The following LRRC4C variants were observed in gnomAD, a reference collection of about 807,000 sequenced individuals.
The protein encoded by LRRC4C is leucine-rich repeat-containing protein 4C.
LRRC4C carries 5 observed loss-of-function variants against 33.6 expected under a neutral mutation model. The observed-to-expected ratio is 0.15, with a 90% CI of 0.08 to 0.31. The LOEUF is 0.31. Ranked by LOEUF, LRRC4C falls within the 10% of genes least tolerant of loss-of-function variation. The probability of loss-of-function intolerance (pLI) is 1.00; values close to 1 mark genes in which losing one functional copy is unlikely to be tolerated. For synonymous variants in LRRC4C, 329 were observed against 302.0 expected, an observed-to-expected ratio of 1.09 and a Z score of -0.93; for missense variants, 560 against 796.7, an observed-to-expected ratio of 0.70 and a Z score of 3.58.
chr11:40,163,764 C>A (rs1291850008), intron 5 of LRRC4C, among the ~76,000 whole-genome samples: 2 of 152,060 alleles, frequency 1.3e-5, no homozygotes, highest in African/African-American at 4.8e-5. Context: ...CTGAGCCACA[C>A]CCTTATATAA....
At chr11:40,862,775 C>T (rs576173321) in intron 2 of LRRC4C, among the ~76,000 whole-genome samples, 15 of 152,228 alleles carry the variant, frequency 9.9e-5, no homozygotes, top group African/African-American at 3.6e-4. Flanking sequence ...GTGTCAAGTG[C>T]TATATAAGGA....
intron 1 of LRRC4C, among the ~76,000 whole-genome samples, chr11:41,313,875 T>G (rs2137204490): frequency 6.6e-6 from 1 of 152,300 alleles, no homozygotes; most frequent in African/African-American, 2.4e-5. Flanking sequence ...TCTGACATTT[T>G]TTTTTGCAAT....
chr11:41,201,322 G>A (rs1169273787), intron 1 of LRRC4C, among the ~76,000 whole-genome samples: 1 of 152,146 alleles, frequency 6.6e-6, no homozygotes, highest in Non-Finnish European at 1.5e-5. Flanking sequence ...GAGACGTTTA[G>A]GGAGCTCGTG....
chr11:40,777,447 C>G (rs1307793698), intron 2 of LRRC4C, among the ~76,000 whole-genome samples: 4 of 148,720 alleles, frequency 2.7e-5, no homozygotes, highest in Non-Finnish European at 5.9e-5. Context: ...AGTCTTCTTC[C>G]TGAATTAAAA....
At chr11:41,134,989 A>C (rs1943192044) in intron 1 of LRRC4C, among the ~76,000 whole-genome samples, 1 of 152,172 alleles carries the variant, frequency 6.6e-6, no homozygotes. Context: ...CTATCTCATT[A>C]TGAAAGTCAA....
intron 1 of LRRC4C, among the ~76,000 whole-genome samples, chr11:41,302,946 C>T (rs562935058): frequency 1.1e-3 from 166 of 152,328 alleles, no homozygotes; most frequent in Non-Finnish European, 4.9e-4. Flanking sequence ...CTACCAATGA[C>T]TTTCCAAGTC....
At chr11:41,140,944 G>C (rs551769775) in intron 1 of LRRC4C, among the ~76,000 whole-genome samples, 1 of 152,230 alleles carries the variant, frequency 6.6e-6, no homozygotes, top group African/African-American at 2.4e-5. Context: ...TCTTCTGGGG[G>C]ATAGAAAAAT....
At chr11:40,922,236 G>T (rs1957214493) in intron 2 of LRRC4C, among the ~76,000 whole-genome samples, 2 of 151,912 alleles carry the variant, frequency 1.3e-5, no homozygotes, top group Non-Finnish European at 2.9e-5. Flanking sequence ...TAGATTTTTA[G>T]AGTAGAGGTG....
chr11:40,206,491 C>T (rs1222171266), intron 5 of LRRC4C, among the ~76,000 whole-genome samples: 1 of 152,156 alleles, frequency 6.6e-6, no homozygotes, highest in Non-Finnish European at 1.5e-5. Context: ...ATCCACCTGC[C>T]TCGGCCTCCC....
At chr11:41,444,699 A>G (rs1955764045) in intron 1 of LRRC4C, among the ~76,000 whole-genome samples, 5 of 152,222 alleles carry the variant, frequency 3.3e-5, no homozygotes, top group Admixed American at 2.0e-4. Flanking sequence ...TTGAGTACAA[A>G]ATTGGGTAGG....
intron 5 of LRRC4C, among the ~76,000 whole-genome samples, chr11:40,179,306 T>C (rs1178607012): frequency 6.6e-6 from 1 of 152,168 alleles, no homozygotes; most frequent in Non-Finnish European, 1.5e-5. Flanking sequence ...ACCCAGCTGG[T>C]CATCCCTTTC....
At chr11:40,716,930 C>T (rs1465523152) in intron 2 of LRRC4C, among the ~76,000 whole-genome samples, 3 of 152,100 alleles carry the variant, frequency 2.0e-5, no homozygotes, top group South Asian at 4.1e-4. Context: ...AGTAGGGAAT[C>T]GGAGCTGCCA....
chr11:40,282,299 C>T (rs576888513), intron 4 of LRRC4C, among the ~76,000 whole-genome samples: 26 of 152,098 alleles, frequency 1.7e-4, no homozygotes, highest in East Asian at 5.8e-4. Flanking sequence ...AAGCCGAGAT[C>T]GCACCACTGC....
intron 2 of LRRC4C, among the ~76,000 whole-genome samples, chr11:40,792,917 CAT>C (rs1231192682): frequency 6.6e-6 from 1 of 151,872 alleles, no homozygotes; most frequent in Non-Finnish European, 1.5e-5. Context: ...TGTTCTCACT[CAT>C]AGGTGGGAAT....
chr11:40,938,302 A>G (rs1333564711), intron 1 of LRRC4C, among the ~76,000 whole-genome samples: 2 of 152,100 alleles, frequency 1.3e-5, no homozygotes, highest in African/African-American at 4.8e-5. Context: ...ATGATTCTGT[A>G]CTGTCACAGA....
At chr11:40,171,360 T>C (rs1196504171) in intron 5 of LRRC4C, among the ~76,000 whole-genome samples, 3 of 152,108 alleles carry the variant, frequency 2.0e-5, no homozygotes, top group African/African-American at 7.2e-5. Flanking sequence ...TATTAGAATG[T>C]GGAAAAGGAG....
rs150167026 is a variant in LRRC4C at position 40,910,234 on chromosome 11, T to C, written c.-407+23401A>G. On this transcript the variant is annotated intron_variant, in intron 2 of 6. Coordinates refer to ENST00000528697, the MANE Select transcript of LRRC4C (RefSeq NM_001258419.2). ...GAGATATGGACTGCCATGAGTGTTATAAGAGATGGAAAAATAACATGATTC... is the reference window on the plus strand; with the variant it reads ...GAGATATGGACTGCCATGAGTGTTACAAGAGATGGAAAAATAACATGATTC... 8.3e-3 allele frequency among the ~76,000 whole-genome samples: 1,260 copies of C among 152,232 alleles called. 9 individuals carry two copies. Among genetic ancestry groups the C allele is most frequent in the Non-Finnish European group, 0.011 (753 of 68,014 alleles).
chr11:40,706,697 T>C (rs1591515220), intron 2 of LRRC4C, among the ~76,000 whole-genome samples: 2 of 152,220 alleles, frequency 1.3e-5, no homozygotes, highest in Non-Finnish European at 1.5e-5. Flanking sequence ...ATGCAGGCTC[T>C]TTTTTGATTC....
At chr11:40,482,180 C>G (rs1156521823) in intron 3 of LRRC4C, among the ~76,000 whole-genome samples, 1 of 152,094 alleles carries the variant, frequency 6.6e-6, no homozygotes, top group African/African-American at 2.4e-5. Context: ...TCTTCTATAA[C>G]TAATAGAGCA....
Sources: allele counts gnomAD v4.1 joint callset (sites outside exome capture counted in the v4.1 genomes callset), GRCh38; gene constraint gnomAD v4.1.1; transcripts MANE v1.5; gene names NCBI Gene and HGNC (gene_info 2026-07-23, HGNC 2026-07-21).